Variants in LRP1B observed in about 807,000 individuals in gnomAD.
The protein encoded by LRP1B is LDL receptor related protein 1B.
LRP1B carries 217 observed loss-of-function variants against 556.6 expected under a neutral mutation model. The observed-to-expected ratio is 0.39, with a 90% CI of 0.35 to 0.44. The LOEUF is 0.44. LRP1B is among the 20% of genes least tolerant of loss of function. LRP1B has a pLI of 1.00. For missense variants in LRP1B, 5,053 were observed against 5,620.8 expected, an observed-to-expected ratio of 0.90 and a Z score of 3.23; for synonymous variants, 2,047 against 1,865.8, an observed-to-expected ratio of 1.10 and a Z score of -2.50.
intron 16 of LRP1B, among the ~76,000 whole-genome samples, chr2:140,990,806 A>G (rs1477347410): frequency 6.6e-6 from 1 of 152,144 alleles, no homozygotes; most frequent in Non-Finnish European, 1.5e-5. Flanking sequence ...CACAATTTCA[A>G]CGCTGTTTTT....
chr2:141,110,519 C>A (rs1286568877), intron 7 of LRP1B, among the ~76,000 whole-genome samples: 6 of 151,966 alleles, frequency 3.9e-5, no homozygotes, highest in Non-Finnish European at 5.9e-5. Flanking sequence ...GCTTATATAT[C>A]TAATTTAATA....
chr2:142,107,794 A>ATTTTTTTTTTTTTTT (rs67962280), intron 1 of LRP1B, among the ~76,000 whole-genome samples: 7 of 110,590 alleles, frequency 6.3e-5, no homozygotes, highest in Non-Finnish European at 9.0e-5. Context: ...CGCCTAGCTA[A>ATTTTTTTTTTTTTTT]TTTTTTTTTT....
At chr2:140,633,613 AT>A (rs1373190071) in intron 41 of LRP1B, among the ~76,000 whole-genome samples, 1 of 152,170 alleles carries the variant, frequency 6.6e-6, no homozygotes, top group Non-Finnish European at 1.5e-5. Context: ...GAAGACACAA[AT>A]TACTTGATAT....
chr2:140,380,221 C>G (rs1683411170), intron 67 of LRP1B, among the ~76,000 whole-genome samples: 1 of 152,056 alleles, frequency 6.6e-6, no homozygotes, highest in Non-Finnish European at 1.5e-5. Flanking sequence ...ATTAATTGAA[C>G]TTGAATCAAG....
chr2:140,732,616 G>A (rs139617574), intron 35 of LRP1B, among the ~76,000 whole-genome samples: 98 of 152,126 alleles, frequency 6.4e-4, no homozygotes, highest in African/African-American at 2.3e-3. Flanking sequence ...TCAAGCAACA[G>A]ATGTTTTTCA....
chr2:140,936,816 T>C (rs1442439667), intron 20 of LRP1B, among the ~76,000 whole-genome samples: 1 of 152,132 alleles, frequency 6.6e-6, no homozygotes, highest in Non-Finnish European at 1.5e-5. Flanking sequence ...AAAAAAATTA[T>C]TAGTTTATGT....
At chr2:140,702,615 G>T in intron 37 of LRP1B, 62 bp from the exon 38 acceptor site, 1 of 1,486,770 alleles carries the variant, frequency 6.7e-7, no homozygotes, top group Non-Finnish European at 9.3e-7. Flanking sequence ...GCAGAGCTAT[G>T]CAAAAAGACA....
intron 1 of LRP1B, among the ~76,000 whole-genome samples, chr2:141,907,819 T>A (rs1195897410): frequency 6.6e-6 from 1 of 151,992 alleles, no homozygotes; most frequent in Non-Finnish European, 1.5e-5. Flanking sequence ...CCTGGCTCTG[T>A]GATTTCCTGC....
chr2:140,606,444 C>T (rs1211667767), intron 41 of LRP1B, among the ~76,000 whole-genome samples: 2 of 151,780 alleles, frequency 1.3e-5, no homozygotes, highest in African/African-American at 4.8e-5. Flanking sequence ...CAATTCTATC[C>T]AAATAGACCT....
intron 2 of LRP1B, among the ~76,000 whole-genome samples, chr2:141,567,306 T>C (rs983749673): frequency 5.9e-5 from 9 of 152,138 alleles, no homozygotes; most frequent in African/African-American, 2.2e-4. Flanking sequence ...GCAATAATTA[T>C]ATATAAAATT....
At chr2:141,471,938 C>T (rs1682490008) in intron 3 of LRP1B, among the ~76,000 whole-genome samples, 1 of 152,104 alleles carries the variant, frequency 6.6e-6, no homozygotes, top group Admixed American at 6.6e-5. Context: ...ACACAGGCTA[C>T]CAGGGCCTAT....
intron 2 of LRP1B, among the ~76,000 whole-genome samples, chr2:141,483,720 T>A (rs1440986459): frequency 6.6e-6 from 1 of 152,086 alleles, no homozygotes; most frequent in Admixed American, 6.5e-5. Context: ...CCAGTGATGA[T>A]GAGCGTTTTT....
chr2:141,070,701 C>A (rs977305815), intron 7 of LRP1B, among the ~76,000 whole-genome samples: 3 of 152,044 alleles, frequency 2.0e-5, no homozygotes, highest in African/African-American at 7.2e-5. Flanking sequence ...GAACTACAAA[C>A]TACCATCAGA....
At chr2:141,268,485 G>A (rs1684970968) in intron 3 of LRP1B, among the ~76,000 whole-genome samples, 2 of 151,972 alleles carry the variant, frequency 1.3e-5, no homozygotes, top group African/African-American at 4.8e-5. Flanking sequence ...CAACTCCAGG[G>A]GACAGTATTA....
At chr2:141,106,869 C>A (rs1424034889) in intron 7 of LRP1B, among the ~76,000 whole-genome samples, 1 of 152,072 alleles carries the variant, frequency 6.6e-6, no homozygotes, top group East Asian at 1.9e-4. Flanking sequence ...AGGGCTCTGA[C>A]AAGTTGCTCA....
intron 2 of LRP1B, among the ~76,000 whole-genome samples, chr2:141,802,825 C>A (rs1001347343): frequency 2.0e-5 from 3 of 152,026 alleles, no homozygotes; most frequent in Non-Finnish European, 4.4e-5. Flanking sequence ...CATCCACAAC[C>A]CCAAATGCTA....
rs532029593 is a variant in LRP1B at position 140,880,205 on chromosome 2, T to C, written c.4169+3612A>G. On this transcript the variant is annotated intron_variant, in intron 25 of 90. Transcript: ENST00000389484. ...ATTATGACAAAGGAAAACTAAATAC[T>C]AGCTTTAGCAATAGATCAGGAAGAT... 2.6e-5 allele frequency among the ~76,000 whole-genome samples: 4 copies of C among 152,254 alleles called. No homozygotes were observed. In the Middle Eastern group the frequency reaches 0.01, roughly 388 times the overall value.
chr2:140,403,895 A>T (rs1684615452), intron 66 of LRP1B, among the ~76,000 whole-genome samples: 1 of 152,166 alleles, frequency 6.6e-6, no homozygotes, highest in Non-Finnish European at 1.5e-5. Flanking sequence ...AGGTAGCATA[A>T]AGGAAAACCA....
intron 32 of LRP1B, among the ~76,000 whole-genome samples, chr2:140,804,976 A>C (rs1194312008): frequency 6.6e-6 from 1 of 152,090 alleles, no homozygotes; most frequent in Non-Finnish European, 1.5e-5. Flanking sequence ...AAGTATGAAC[A>C]AATGTCCTTA....
Sources: gnomAD v4.1 joint callset for allele counts (sites outside exome capture counted in the v4.1 genomes callset) on GRCh38, gnomAD v4.1.1 for gene constraint, MANE v1.5 for transcripts, NCBI Gene and HGNC (gene_info 2026-07-23, HGNC 2026-07-21) for gene names.